SLC18A1: variants seen among roughly 807,000 people sequenced by gnomAD.
The protein encoded by SLC18A1 is solute carrier family 18 member A1, also known as chromaffin granule amine transporter.
A neutral mutation model predicts 53.7 loss-of-function variants in SLC18A1; 69 were observed. The observed-to-expected ratio is 1.28, with a 90% confidence interval of 1.06 to 1.57. The LOEUF is 1.57. Ranked by LOEUF, SLC18A1 falls within the 40% of genes most tolerant of loss-of-function variation. The probability of loss-of-function intolerance (pLI) is 0.00; values close to 1 mark genes in which losing one functional copy is unlikely to be tolerated. For missense variants in SLC18A1, 932 were observed against 668.1 expected (o/e 1.40, Z -4.35); for synonymous variants, 320 against 248.1 (o/e 1.29, Z -2.72).
chr8:20,168,202 G>A (rs966807575), intron 8 of SLC18A1, among the ~76,000 whole-genome samples: 2 of 151,836 alleles, frequency 1.3e-5, no homozygotes, highest in Admixed American at 6.6e-5. Flanking sequence ...AGGCAGACCC[G>A]GTCTCTATAA....
rs751917019 is a variant in SLC18A1 at position 20,149,696 on chromosome 8, C to A, written c.1126G>T (p.Val376Leu). ...WLCSLIGMLV[V>L]GTSLLCVPLA... ...CTTACACAGAGCAAGCTGGTACCTACTACCAGCATCCCGATTAGGGAACAC... is the reference window on the plus strand; with the variant it reads ...CTTACACAGAGCAAGCTGGTACCTAATACCAGCATCCCGATTAGGGAACAC... The change falls in exon 12 of 16, where the codon GTA becomes TTA. Residue 376 changes from valine to leucine, a missense_variant. Transcript: ENST00000276373. 2 of 1,613,612 alleles carry A rather than the reference C, an allele frequency of 1.2e-6. No homozygotes were observed. The highest frequency in any genetic ancestry group is 2.2e-5 in the South Asian group (2 of 91,036).
rs147552186 is a variant in SLC18A1 at position 20,153,662 on chromosome 8, G to C, written c.1016-2918C>G. On this transcript the variant is annotated intron_variant, in intron 10 of 15. Transcript: ENST00000276373. ...AGCCTGGGCGACAGAGCAAGACTCTGTCTCAAAAAAAAAAAGAAAGAAGTG... is the reference window on the plus strand; with the variant it reads ...AGCCTGGGCGACAGAGCAAGACTCTCTCTCAAAAAAAAAAAGAAAGAAGTG... Among the ~76,000 whole-genome samples, 81 of 135,736 alleles carry C rather than the reference G, an allele frequency of 6.0e-4. 1 individual carries two copies. In the East Asian group the frequency reaches 0.019, roughly 32 times the overall value. 89.0% of individuals were successfully genotyped at this position (135,736 alleles called of 152,430 possible).
chr8:20,178,507 G>GAAA lies in SLC18A1; in HGVS notation c.489-17_489-15dup, dbSNP rs71532226. 11,424 of 1,399,408 alleles carry GAAA rather than the reference G, an allele frequency of 8.2e-3. No homozygotes were observed. Among genetic ancestry groups the GAAA allele is most frequent in the Non-Finnish European group, 9.4e-3 (9,737 of 1,035,510 alleles). 86.7% of individuals were successfully genotyped at this position (1,399,408 alleles called of 1,614,324 possible). On this transcript the variant is annotated splice_polypyrimidine_tract_variant and intron_variant, in intron 3 of 15. Coordinates refer to ENST00000276373, the MANE Select transcript of SLC18A1 (RefSeq NM_003053.4). The stretch of plus-strand genomic sequence containing the variant: ...TGATATCCAATCCTAAAAGGGAATT[G>GAAA]AAAAAAAAAAAGATACAATTCCAAC...
intron 10 of SLC18A1, among the ~76,000 whole-genome samples, chr8:20,157,488 G>A (rs2071712216): frequency 6.6e-6 from 1 of 152,138 alleles, no homozygotes; most frequent in South Asian, 2.1e-4. Flanking sequence ...TTGCGTGCTA[G>A]AAGGACTAAG....
Position 20,167,531 on chromosome 8 carries a change from G to T in SLC18A1, c.859-2424C>A, listed in dbSNP as rs114922805. On this transcript the variant is annotated intron_variant, in intron 8 of 15. Transcript: ENST00000276373. The stretch of plus-strand genomic sequence containing the variant: ...GAGGTCTCAGTACAAACTTGTGTGT[G>T]TGTATTAGCTCTGTCATCAAGATGG... Among the ~76,000 whole-genome samples, 780 of 152,198 alleles carry T rather than the reference G, an allele frequency of 5.1e-3. 9 individuals are homozygous for T. Among genetic ancestry groups the T allele is most frequent in the African/African-American group, 0.018 (739 of 41,514 alleles).
intron 10 of SLC18A1, among the ~76,000 whole-genome samples, chr8:20,159,078 G>T (rs551818112): frequency 6.6e-6 from 1 of 152,088 alleles, no homozygotes; most frequent in Non-Finnish European, 1.5e-5. Context: ...AACTATAAAT[G>T]GTTCTTCAAA....
intron 4 of SLC18A1, chr8:20,175,263 T>C (rs745893751): frequency 3.3e-5 from 5 of 152,174 alleles, no homozygotes; most frequent in Non-Finnish European, 7.3e-5. Flanking sequence ...GGTTCTGAGA[T>C]CTCATATTGT....
intron 11 of SLC18A1, 22 bp from the exon 12 acceptor site, chr8:20,149,749 C>G: frequency 6.2e-7 from 1 of 1,613,074 alleles, no homozygotes. Context: ...AAGCCATCAT[C>G]AAACACCACT....
intron 8 of SLC18A1, among the ~76,000 whole-genome samples, chr8:20,170,357 A>C (rs112015367): frequency 6.6e-6 from 1 of 152,200 alleles, no homozygotes; most frequent in African/African-American, 2.4e-5. Flanking sequence ...AAGATGCAGC[A>C]TAGATGGCGC....
At chr8:20,179,594 A>T (rs934918257) in intron 2 of SLC18A1, 110 bp from the exon 3 acceptor site, 26 of 1,383,708 alleles carry the variant, frequency 1.9e-5, no homozygotes, top group Non-Finnish European at 2.6e-5. Flanking sequence ...CAAGGAGGAC[A>T]GGTGATGGGG....
At chr8:20,148,167 G>T in intron 12 of SLC18A1, 97 bp from the exon 13 acceptor site, 1 of 1,041,662 alleles carries the variant, frequency 9.6e-7, no homozygotes, top group Non-Finnish European at 1.5e-6. Context: ...TATTCAGAGT[G>T]CACTATTGGC....
chr8:20,162,445 C>T (rs1006707539), intron 10 of SLC18A1, among the ~76,000 whole-genome samples: 3 of 152,204 alleles, frequency 2.0e-5, no homozygotes. Flanking sequence ...TTTTGTTTCT[C>T]TTTTAACCAT....
intron 15 of SLC18A1, among the ~76,000 whole-genome samples, chr8:20,146,089 G>A (rs751340197): frequency 1.3e-5 from 2 of 152,022 alleles, no homozygotes; most frequent in Non-Finnish European, 2.9e-5. Context: ...CTAATTTTTT[G>A]TATTTTTAGC....
At chr8:20,159,929 G>C (rs191268504) in intron 10 of SLC18A1, among the ~76,000 whole-genome samples, 2 of 152,152 alleles carry the variant, frequency 1.3e-5, no homozygotes, top group Non-Finnish European at 2.9e-5. Flanking sequence ...AGCACAGATG[G>C]CTCTGGTATA....
chr8:20,181,008 G>T lies in SLC18A1; in HGVS notation c.-44C>A. The T allele has an allele frequency of 6.5e-7, 1 of 1,544,288 alleles. No homozygotes were observed. Among genetic ancestry groups the T allele is most frequent in the Middle Eastern group, 1.7e-4 (1 of 5,926 alleles). ...GCAGTCTTCCCCTGCGGGCTCTTAGGGAAGGTCCTGTGACAGCTACAGGTC... is the reference window on the plus strand; with the variant it reads ...GCAGTCTTCCCCTGCGGGCTCTTAGTGAAGGTCCTGTGACAGCTACAGGTC... On this transcript the variant is annotated 5_prime_UTR_variant, in exon 2 of 16. Coordinates refer to ENST00000276373, the MANE Select transcript of SLC18A1 (RefSeq NM_003053.4).
At position 20,150,676 on chromosome 8, in the gene SLC18A1, T is replaced by G; in HGVS notation, c.1084A>C (p.Lys362Gln). 6.2e-7 allele frequency: 1 copy of G among 1,614,136 alleles called. No homozygotes were observed. Residue 362 changes from lysine to glutamine, a missense_variant, in exon 11 of 16, where the codon AAG (lysine) becomes CAG (glutamine). Transcript: ENST00000276373. ...GTNLFGVLAN[K>Q]MGRWLCSLIG... ...CCCGAGGCTACATACCGACCCATCT[T>G]GTTGGCCAACACACCAAAGAGGTTG...
chr8:20,161,963 G>A (rs1247803968), intron 10 of SLC18A1, among the ~76,000 whole-genome samples: 1 of 152,154 alleles, frequency 6.6e-6, no homozygotes. Context: ...GGCATCTTTT[G>A]AAATTTAGGT....
intron 10 of SLC18A1, among the ~76,000 whole-genome samples, chr8:20,164,495 A>G (rs1290020171): frequency 1.3e-5 from 2 of 152,142 alleles, no homozygotes. Context: ...CTTGAACTAG[A>G]TAGTATTTTG....
At chr8:20,174,596 C>A in intron 4 of SLC18A1, 152 bp from the exon 5 acceptor site, 1 of 605,938 alleles carries the variant, frequency 1.7e-6, no homozygotes. Context: ...TTTGAGTTGT[C>A]TTTTCAATCT....
Sources: gnomAD v4.1 joint callset for allele counts (sites outside exome capture counted in the v4.1 genomes callset) on GRCh38, gnomAD v4.1.1 for gene constraint, MANE v1.5 for transcripts, NCBI Gene and HGNC (gene_info 2026-07-23, HGNC 2026-07-21) for gene names.